The following LAMA5 variants were observed in gnomAD, a reference collection of about 807,000 sequenced individuals.
LAMA5 encodes the protein laminin subunit alpha-5.
A neutral mutation model predicts 433.4 loss-of-function variants in LAMA5; 260 were observed. That is an observed-to-expected ratio of 0.60 (90% CI 0.54 to 0.66). LAMA5 has a LOEUF of 0.66. LAMA5 is among the 30% of genes least tolerant of loss of function. The pLI is 0.00. For synonymous variants in LAMA5, 2,620 were observed against 2,226.6 expected (o/e 1.18, Z -4.97); for missense variants, 5,378 against 5,258.5 (o/e 1.02, Z -0.70).
rs1331760943 is a variant in LAMA5 at position 62,367,162 on chromosome 20, C to G, written c.84G>C (p.Ala28=). The part of the protein sequence containing the change: ...GPAPLLLVGL[A]LLGAARAREE... ...CCCGCGCCCGCGCCGCGCCCAGCAG[C>G]GCCAGCCCGACCAGCAGCAGCGGCG... Residue 28 remains alanine, a synonymous_variant, in exon 1 of 80, where the codon GCG becomes GCC. Coordinates refer to ENST00000252999, the MANE Select transcript of LAMA5 (RefSeq NM_005560.6). 5 of 1,254,534 alleles carry G rather than the reference C, an allele frequency of 4.0e-6. No individual in the cohort carries two copies. The highest frequency in any genetic ancestry group is 6.2e-4 in the Middle Eastern group (2 of 3,210). 77.7% of individuals were successfully genotyped at this position (1,254,534 alleles called of 1,614,324 possible). A position where few individuals can be genotyped will look rare whatever the true frequency, so the allele number is the denominator to read the frequency against.
chr20:62,312,525 G>C lies in LAMA5; in HGVS notation c.9235C>G (p.Arg3079Gly), dbSNP rs944895. The part of the protein sequence containing the change: ...PPDQLPPSLR[R>G]LFPTGGSVRG... ...ACTGAGCCTCCGGTGGGGAAGAGCC[G>C]TCGCAGGCTGTGGGGAAGCGGGGAT... The change falls in exon 68 of 80, where the codon CGG (arginine) becomes GGG (glycine). Residue 3079 changes from arginine (R) to glycine (G), a missense_variant. Transcript: ENST00000252999. The C allele has an allele frequency of 6.3e-7, 1 of 1,598,518 alleles. No individual in the cohort carries two copies. Among genetic ancestry groups the C allele is most frequent in the Non-Finnish European group, 8.5e-7 (1 of 1,179,282 alleles).
chr20:62,314,192 G>A lies in LAMA5; in HGVS notation c.8504+112C>T, dbSNP rs551646539. 10,743 of 1,334,372 alleles carry A rather than the reference G, an allele frequency of 8.1e-3. 70 individuals are homozygous for A. The highest frequency in any genetic ancestry group is 0.013 in the Middle Eastern group (50 of 3,756). The allele number at this position is 1,334,372 out of a possible 1,614,324, so 82.7% of individuals were successfully genotyped here. ...TGGGCACGGAGAGGCGAGGGGTGGCGAGTGGGCATGGAGAGGTGAAGGGTG... is the reference window on the plus strand; with the variant it reads ...TGGGCACGGAGAGGCGAGGGGTGGCAAGTGGGCATGGAGAGGTGAAGGGTG... On this transcript the variant is annotated intron_variant, in intron 62 of 79. Transcript: ENST00000252999.
chr20:62,365,510 G>T (rs372413810), intron 1 of LAMA5, among the ~76,000 whole-genome samples: 123 of 152,284 alleles, frequency 8.1e-4, no homozygotes, highest in African/African-American at 2.7e-3. Flanking sequence ...GCTGTGGGGG[G>T]GTGGTCTGAG....
rs765387432 is a variant in LAMA5, at chr20:62,337,811, G to A, written c.2019C>T (p.Ser673=). The A allele has an allele frequency of 6.2e-7, 1 of 1,612,642 alleles. No homozygotes were observed. Among genetic ancestry groups the A allele is most frequent in the South Asian group, 1.1e-5 (1 of 91,062 alleles). Residue 673 remains serine (S), a synonymous_variant, in exon 15 of 80, where the codon AGC becomes AGT. Transcript: ENST00000252999. Reference sequence around the variant, plus strand: ...TCCTCCCTAGGCACTCACGGACACAGCTGGGGAAGCCGTGAAAGCCGGGGC... The same window carrying A: ...TCCTCCCTAGGCACTCACGGACACAACTGGGGAAGCCGTGAAAGCCGGGGC... The part of the protein sequence containing the change: ...ECSPGFHGFP[S]CVPCHCSAEG...
At chr20:62,330,696 G>A in intron 30 of LAMA5, 47 bp downstream of exon 30, 1 of 1,556,852 alleles carries the variant, frequency 6.4e-7, no homozygotes, top group Non-Finnish European at 8.7e-7. Context: ...TTGGGACCCG[G>A]AGTCCTGCCC....
Position 62,327,285 on chromosome 20 carries a change from T to C in LAMA5, c.5060A>G (p.Glu1687Gly). Residue 1687 changes from glutamate to glycine, a missense_variant, in exon 38 of 80, where the codon GAG (glutamate) becomes GGG (glycine). Transcript: ENST00000252999. ...CTGCCAGTACAGCTCGGGGAAAGCCTCGGGCACAGCCTCAGGCACGTGCCG... is the reference window on the plus strand; with the variant it reads ...CTGCCAGTACAGCTCGGGGAAAGCCCCGGGCACAGCCTCAGGCACGTGCCG... Reference protein sequence around the residue: ...DLRHVPEAVPEAFPELYWQAP... With the variant: ...DLRHVPEAVPGAFPELYWQAP... 6.4e-7 allele frequency: 1 copy of C among 1,573,336 alleles called. No homozygotes were observed.
At position 62,346,689 on chromosome 20, in the gene LAMA5, T is replaced by C. The variant is rs762551927; in HGVS notation, c.1184A>G (p.Asp395Gly). ...GTYQGGGVCI[D>G]CQHHTTGVNC... ...CCCTCTAGCCCAGCCCACCTGGCAG[T>C]CGATACAGACACCCCCACCCTGATA... is the stretch of plus-strand genomic sequence containing the variant. The change falls in exon 8 of 80, where the codon GAC becomes GGC. Residue 395 changes from aspartate to glycine, a missense_variant. Transcript: ENST00000252999. 4 of 1,612,964 alleles carry C rather than the reference T, an allele frequency of 2.5e-6. No homozygotes were observed. Among genetic ancestry groups the C allele is most frequent in the Admixed American group, 1.7e-5 (1 of 59,994 alleles).
At chr20:62,335,598 AC>A (rs1981438608) in intron 18 of LAMA5, among the ~76,000 whole-genome samples, 1 of 124,238 alleles carries the variant, frequency 8.0e-6, no homozygotes, top group Non-Finnish European at 1.7e-5. Context: ...CCTCCAGGAC[AC>A]CCTCATGGGT....
intron 55 of LAMA5, 151 bp from the exon 56 acceptor site, chr20:62,317,174 T>TACTGC: frequency 1.7e-6 from 2 of 1,182,452 alleles, no homozygotes; most frequent in Non-Finnish European, 2.3e-6. Flanking sequence ...CTGCTGGGTG[T>TACTGC]ACTGCTCCTG....
intron 62 of LAMA5, among the ~76,000 whole-genome samples, 156 bp from the exon 63 acceptor site, chr20:62,313,958 GGTGGCGAGTGGGCAC>G (rs1986624303): frequency 1.3e-5 from 1 of 78,276 alleles, no homozygotes; most frequent in Admixed American, 1.3e-4. Flanking sequence ...TGGAGAGACG[GGTGGCGAGTGGGCAC>G]AGAGACGGGT....
chr20:62,339,679 G>A (rs2146246343), intron 11 of LAMA5, among the ~76,000 whole-genome samples: 1 of 152,282 alleles, frequency 6.6e-6, no homozygotes, highest in Middle Eastern at 3.4e-3. Flanking sequence ...GTAACCACTG[G>A]TCAGACCAGA....
intron 51 of LAMA5, among the ~76,000 whole-genome samples, chr20:62,319,445 G>A: frequency 6.6e-6 from 1 of 152,100 alleles, no homozygotes; most frequent in East Asian, 1.9e-4. Flanking sequence ...CATCTAACCG[G>A]CACATTTCCT....
In LAMA5 at chr20:62,334,530, G is replaced by A. The variant is rs1297215433; in HGVS notation, c.2574C>T (p.Thr858=). The change falls in exon 21 of 80, where the codon ACC becomes ACT. Residue 858 remains threonine, a synonymous_variant. Transcript: ENST00000252999. The part of the protein sequence containing the change: ...CRCRPNTQGP[T]CSEPARDHYL... The stretch of plus-strand genomic sequence containing the variant: ...GGGGAAGGGGTACCCACTCGCTGCA[G>A]GTGGGGCCCTGGGTGTTGGGGCGGC... 7.8e-6 allele frequency: 12 copies of A among 1,548,376 alleles called. No individual in the cohort carries two copies. Among genetic ancestry groups the A allele is most frequent in the Non-Finnish European group, 1.0e-5 (12 of 1,146,644 alleles).
At chr20:62,334,749 G>C (rs1372230142) in intron 20 of LAMA5, 128 bp from the exon 21 acceptor site, 2 of 759,414 alleles carry the variant, frequency 2.6e-6, no homozygotes, top group African/African-American at 3.9e-5. Flanking sequence ...CAGGGCTCAG[G>C]GCTCAGGGCG....
intron 2 of LAMA5, among the ~76,000 whole-genome samples, chr20:62,354,246 G>C (rs1053662310): frequency 6.6e-6 from 1 of 151,816 alleles, no homozygotes; most frequent in Non-Finnish European, 1.5e-5. Flanking sequence ...CCTCAGCTGC[G>C]GACATCTCCC....
In LAMA5 at chr20:62,334,091, G is replaced by A. The variant is rs570143557; in HGVS notation, c.2740-52C>T. On this transcript the variant is annotated intron_variant, in intron 22 of 79. Coordinates refer to ENST00000252999, the MANE Select transcript of LAMA5 (RefSeq NM_005560.6). Reference sequence around the variant, plus strand: ...CTCTCCCTGACCACTGCCAGCCTGAGGCCTGGGCCTTCAAGGGGCCTGCCC... The same window carrying A: ...CTCTCCCTGACCACTGCCAGCCTGAAGCCTGGGCCTTCAAGGGGCCTGCCC... 2.1e-5 allele frequency: 34 copies of A among 1,591,762 alleles called. No homozygotes were observed. In the Admixed American group the frequency reaches 3.4e-4, roughly 16 times the overall value.
At position 62,328,024 on chromosome 20, in the gene LAMA5, G is replaced by A. The variant is rs750299654; in HGVS notation, c.4653-14C>T. 6.8e-6 allele frequency: 11 copies of A among 1,610,474 alleles called. No individual in the cohort carries two copies. Among genetic ancestry groups the A allele is most frequent in the Admixed American group, 5.0e-5 (3 of 59,954 alleles). ...TTGGGTCTGCACCTGTGGCAGGGGC[G>A]GGAGCTGAGCCCCCTCCACCCCAGG... On this transcript the variant is annotated splice_polypyrimidine_tract_variant and intron_variant, in intron 35 of 79. Transcript: ENST00000252999.
rs562751430 is a variant in LAMA5, at chr20:62,349,492, G to A, written c.956+2212C>T. The stretch of plus-strand genomic sequence containing the variant: ...TCAAATCATTTCTCCAAAGTGCTGA[G>A]AGATGCAGCTATCAACCACGAATCC... On this transcript the variant is annotated intron_variant, in intron 6 of 79. Transcript: ENST00000252999. 2.0e-5 allele frequency among the ~76,000 whole-genome samples: 3 copies of A among 151,090 alleles called. No homozygotes were observed. In the South Asian group the frequency reaches 6.3e-4, roughly 32 times the overall value.
At position 62,325,868 on chromosome 20, in the gene LAMA5, G is replaced by A. The variant is rs539546252; in HGVS notation, c.5299-322C>T. 4.0e-4 allele frequency among the ~76,000 whole-genome samples: 61 copies of A among 152,328 alleles called. No homozygotes were observed. The Middle Eastern group carries it at 0.014, about 34-fold the overall frequency. Reference sequence around the variant, plus strand: ...ACTTTCTTAAACAAGATGCAAAAACGCTTGCTGCCAAGGAAAAAAGGATAA... The same window carrying A: ...ACTTTCTTAAACAAGATGCAAAAACACTTGCTGCCAAGGAAAAAAGGATAA... On this transcript the variant is annotated intron_variant, in intron 40 of 79. Transcript: ENST00000252999.
Sources: gnomAD v4.1 joint callset for allele counts (sites outside exome capture counted in the v4.1 genomes callset) on GRCh38, gnomAD v4.1.1 for gene constraint, MANE v1.5 for transcripts, NCBI Gene and HGNC (gene_info 2026-07-23, HGNC 2026-07-21) for gene names.